The following MEIS1 variants were observed in gnomAD, a reference collection of about 807,000 sequenced individuals.
The protein encoded by MEIS1 is Meis homeobox 1.
MEIS1 carries 5 observed loss-of-function variants against 50.8 expected under a neutral mutation model. The ratio of observed to expected loss-of-function variants is 0.10; its 90% CI spans 0.05 to 0.21. The LOEUF is 0.21. MEIS1 is among the 10% of genes least tolerant of loss of function. The pLI is 1.00. For missense variants in MEIS1, 318 were observed against 517.3 expected (o/e 0.61, Z 3.74); for synonymous variants, 176 against 179.3 (o/e 0.98, Z 0.15).
chr2:66,548,072 C>G lies in MEIS1; in HGVS notation c.965+53C>G, dbSNP rs1389844954. 11 of 1,561,246 alleles carry G rather than the reference C, an allele frequency of 7.0e-6. No individual in the cohort carries two copies. The South Asian group carries it at 1.1e-4, about 16-fold the overall frequency. ...ACAATCTGTTTCCCCCTCTGGCAAC[C>G]TGCAGCTCATGTTTTGCATTAAGAA... is the stretch of plus-strand genomic sequence containing the variant. On this transcript the variant is annotated intron_variant, in intron 9 of 12. Transcript: ENST00000272369.
At chr2:66,566,810 C>CAAAA (rs5831821) in intron 9 of MEIS1, among the ~76,000 whole-genome samples, 1 of 138,662 alleles carries the variant, frequency 7.2e-6, no homozygotes, top group Non-Finnish European at 1.5e-5. Flanking sequence ...ACATAAAGAG[C>CAAAA]AAAAAAAAAA....
In MEIS1 at chr2:66,537,800, T is replaced by C. The variant is rs183855824; in HGVS notation, c.889-10143T>C. Among the ~76,000 whole-genome samples, 14 of 152,324 alleles carry C rather than the reference T, an allele frequency of 9.2e-5. No homozygotes were observed. The East Asian group carries it at 2.7e-3, about 29-fold the overall frequency. ...TGATTTTTAAAGTGGAAAAGTGTTCTTCAGGCTGGTGTTAGGTCTCCTTTT... is the reference window on the plus strand; with the variant it reads ...TGATTTTTAAAGTGGAAAAGTGTTCCTCAGGCTGGTGTTAGGTCTCCTTTT... On this transcript the variant is annotated intron_variant, in intron 8 of 12. Coordinates refer to ENST00000272369, the MANE Select transcript of MEIS1 (RefSeq NM_002398.3).
At chr2:66,534,069 A>T (rs1293380137) in intron 8 of MEIS1, among the ~76,000 whole-genome samples, 1 of 152,176 alleles carries the variant, frequency 6.6e-6, no homozygotes, top group Non-Finnish European at 1.5e-5. Context: ...ATGCTAAGCA[A>T]TTTGATGCGT....
chr2:66,524,084 A>T lies in MEIS1; in HGVS notation c.888+11790A>T, dbSNP rs367906622. Among the ~76,000 whole-genome samples, 156 of 152,340 alleles carry T rather than the reference A, an allele frequency of 1.0e-3. No homozygotes were observed. In the Middle Eastern group the frequency reaches 0.014, roughly 13 times the overall value. On this transcript the variant is annotated intron_variant, in intron 8 of 12. Transcript: ENST00000272369. The stretch of plus-strand genomic sequence containing the variant: ...GAAATAAAATGAGGTTAAAGTTATT[A>T]TCCTGGTCATTGGAGGAGAAGGTGC...
intron 9 of MEIS1, among the ~76,000 whole-genome samples, chr2:66,551,003 A>T (rs565810447): frequency 6.6e-6 from 1 of 152,200 alleles, no homozygotes; most frequent in Admixed American, 6.5e-5. Flanking sequence ...ACATTTTTGT[A>T]TGAACTATGA....
Position 66,530,509 on chromosome 2 carries a change from T to A in MEIS1, c.889-17434T>A, listed in dbSNP as rs1231226069. Among the ~76,000 whole-genome samples, 20 of 151,836 alleles carry A rather than the reference T, an allele frequency of 1.3e-4. 1 individual carries two copies. The highest frequency in any genetic ancestry group is 1.3e-3 in the Admixed American group (20 of 15,246). Reference sequence around the variant, plus strand: ...GCGGGCGGATCATAAGGTCAGGAGATCGAGACCATCCTGGCTAACACGGTG... The same window carrying A: ...GCGGGCGGATCATAAGGTCAGGAGAACGAGACCATCCTGGCTAACACGGTG... On this transcript the variant is annotated intron_variant, in intron 8 of 12. Coordinates refer to ENST00000272369, the MANE Select transcript of MEIS1 (RefSeq NM_002398.3).
chr2:66,566,593 G>C (rs115087496), intron 9 of MEIS1, among the ~76,000 whole-genome samples: 4,822 of 36,512 alleles, frequency 0.13, 113 homozygotes, highest in Non-Finnish European at 0.3. Flanking sequence ...ACTCTGGAGA[G>C]CGTATATTAA....
intron 7 of MEIS1, chr2:66,509,090 A>G: frequency 2.1e-6 from 1 of 471,020 alleles, no homozygotes; most frequent in South Asian, 1.6e-5. Flanking sequence ...TGAGGTGACT[A>G]TATCAAATTG....
At chr2:66,560,373 C>G (rs1675182248) in intron 9 of MEIS1, among the ~76,000 whole-genome samples, 1 of 151,530 alleles carries the variant, frequency 6.6e-6, no homozygotes, top group Admixed American at 6.6e-5. Context: ...ATGGCTTGAG[C>G]TCAGGAGTTT....
At chr2:66,496,939 A>C (rs1673420100) in intron 7 of MEIS1, among the ~76,000 whole-genome samples, 1 of 152,010 alleles carries the variant, frequency 6.6e-6, no homozygotes, top group African/African-American at 2.4e-5. Flanking sequence ...TTCCTTGTAC[A>C]TTTCAGGGGT....
Position 66,554,979 on chromosome 2 carries a change from T to A in MEIS1, c.965+6960T>A, listed in dbSNP as rs541814382. Among the ~76,000 whole-genome samples the A allele has an allele frequency of 2.6e-5, 4 of 152,336 alleles. No homozygotes were observed. In the South Asian group the frequency reaches 8.3e-4, roughly 32 times the overall value. ...ATCAGTTGTTTTTAGCAGTGTGCTA[T>A]GAGTCTATGAAGGGCATGACAGATA... On this transcript the variant is annotated intron_variant, in intron 9 of 12. Transcript: ENST00000272369.
Position 66,571,252 on chromosome 2 carries a change from A to G in MEIS1, c.*44A>G. ...TCTTTTGAATTTCTTACAGGGCTGC[A>G]AAGTATGCCAGGGGAGTATGTAGCC... On this transcript the variant is annotated 3_prime_UTR_variant, in exon 13 of 13. Transcript: ENST00000272369. The G allele has an allele frequency of 1.3e-6, 2 of 1,585,216 alleles. No homozygotes were observed. Among genetic ancestry groups the G allele is most frequent in the Non-Finnish European group, 1.7e-6 (2 of 1,166,386 alleles).
At chr2:66,516,780 A>C (rs1165957471) in intron 8 of MEIS1, among the ~76,000 whole-genome samples, 1 of 152,112 alleles carries the variant, frequency 6.6e-6, no homozygotes, top group African/African-American at 2.4e-5. Flanking sequence ...AATGGAATTG[A>C]ATTGGGAATT....
rs70943701 is a variant in MEIS1, at chr2:66,495,080, C to CTTTTTTTTTTTTTTTTTTTTTTTTTTT, written c.743-17067_743-17041dup. ...GAATGCCCACTTTCCCTCTTCTGAC[C>CTTTTTTTTTTTTTTTTTTTTTTTTTTT]TTTTTTTTTTTTTTTTTTTTTTTTT... On this transcript the variant is annotated intron_variant, in intron 7 of 12. Transcript: ENST00000272369. 2.2e-5 allele frequency among the ~76,000 whole-genome samples: 2 copies of CTTTTTTTTTTTTTTTTTTTTTTTTTTT among 91,492 alleles called. 1 individual carries two copies. Among genetic ancestry groups the CTTTTTTTTTTTTTTTTTTTTTTTTTTT allele is most frequent in the African/African-American group, 8.5e-5 (2 of 23,532 alleles). 60.0% of individuals were successfully genotyped at this position (91,492 alleles called of 152,430 possible).
intron 8 of MEIS1, among the ~76,000 whole-genome samples, chr2:66,513,257 G>T (rs1036558584): frequency 1.3e-5 from 2 of 151,998 alleles, no homozygotes; most frequent in African/African-American, 4.8e-5. Context: ...AACTCTTGAG[G>T]GTTGTTTTTT....
intron 6 of MEIS1, chr2:66,461,823 C>G: frequency 2.1e-6 from 1 of 468,476 alleles, no homozygotes; most frequent in Non-Finnish European, 4.4e-6. Flanking sequence ...ATCAGAATTT[C>G]CAGCAAGGAA....
At chr2:66,440,199 A>T (rs992938309) in intron 3 of MEIS1, 2 of 611,740 alleles carry the variant, frequency 3.3e-6, no homozygotes, top group African/African-American at 3.7e-5. Flanking sequence ...GATAACTTAA[A>T]ATCACCCATC....
intron 8 of MEIS1, among the ~76,000 whole-genome samples, chr2:66,545,073 A>C (rs1364075265): frequency 1.3e-5 from 2 of 152,192 alleles, no homozygotes; most frequent in Non-Finnish European, 2.9e-5. Context: ...TTACTGTGAC[A>C]ATTTTCAGTT....
chr2:66,563,364 CTA>C (rs1306422085), intron 9 of MEIS1, among the ~76,000 whole-genome samples: 6 of 151,986 alleles, frequency 3.9e-5, no homozygotes, highest in Non-Finnish European at 5.9e-5. Context: ...ACTATTTCTT[CTA>C]TGTTGAATCT....
Sources: gnomAD v4.1 joint callset for allele counts (sites outside exome capture counted in the v4.1 genomes callset) on GRCh38, gnomAD v4.1.1 for gene constraint, MANE v1.5 for transcripts, NCBI Gene and HGNC (gene_info 2026-07-23, HGNC 2026-07-21) for gene names.